The following MRTFA variants were observed in gnomAD, a reference collection of about 807,000 sequenced individuals.
MRTFA encodes myocardin-related transcription factor A.
A neutral mutation model predicts 83.5 loss-of-function variants in MRTFA; 20 were observed. That is an observed-to-expected ratio of 0.24 (90% CI 0.17 to 0.35). The LOEUF (loss-of-function observed/expected upper bound fraction) is 0.35, where lower values mean the gene tolerates loss of function less well. Among genes scored for constraint, MRTFA ranks in the 10% least tolerant of loss-of-function variants. MRTFA has a pLI of 1.00. For missense variants in MRTFA, 1,200 were observed against 1,224.7 expected (o/e 0.98, Z 0.30); for synonymous variants, 659 against 541.2 (o/e 1.22, Z -3.02).
At chr22:40,417,903 T>C (rs1229531164) in intron 12 of MRTFA, among the ~76,000 whole-genome samples, 1 of 152,190 alleles carries the variant, frequency 6.6e-6, no homozygotes, top group Non-Finnish European at 1.5e-5. Flanking sequence ...ACCTGTGGCC[T>C]GGGCTGAGAG....
At position 40,566,937 on chromosome 22, in the gene MRTFA, A is replaced by G. The variant is rs552134115; in HGVS notation, c.-21-14570T>C. Among the ~76,000 whole-genome samples the G allele has an allele frequency of 6.6e-5, 10 of 152,336 alleles. No homozygotes were observed. In the South Asian group the frequency reaches 2.1e-3, roughly 32 times the overall value. On this transcript the variant is annotated intron_variant, in intron 2 of 14. Coordinates refer to ENST00000355630, the MANE Select transcript of MRTFA (RefSeq NM_020831.6). ...CGTGCCACCTGACTCTGAGTTTGGT[A>G]TAATTTACTATTCTGCCTGGCCCCT...
intron 3 of MRTFA, among the ~76,000 whole-genome samples, chr22:40,540,776 C>CAAAAAA (rs11398739): frequency 1.1e-5 from 1 of 91,134 alleles, no homozygotes; most frequent in African/African-American, 4.4e-5. Flanking sequence ...GACTCTGTCT[C>CAAAAAA]AAAAAAAAAA....
At chr22:40,595,674 T>C (rs1048694621) in intron 1 of MRTFA, among the ~76,000 whole-genome samples, 4 of 152,068 alleles carry the variant, frequency 2.6e-5, no homozygotes, top group African/African-American at 9.7e-5. Context: ...ATACAGCCTC[T>C]TTGTGCAATC....
chr22:40,418,558 G>A lies in MRTFA; in HGVS notation c.2180C>T (p.Ala727Val). The change falls in exon 12 of 15, where the codon GCC (alanine) becomes GTC (valine). Residue 727 changes from alanine to valine, a missense_variant. Physicochemically the swap from Ala to Val is moderately conservative, Grantham distance 64 (BLOSUM62 0). Coordinates refer to ENST00000355630, the MANE Select transcript of MRTFA (RefSeq NM_020831.6). Reference sequence around the variant, plus strand: ...GACCGGCTCGGGCTCAGGCTGCAAGGCTTCCTGCTTCACCACCACGGACGG... The same window carrying A: ...GACCGGCTCGGGCTCAGGCTGCAAGACTTCCTGCTTCACCACCACGGACGG... The A allele has an allele frequency of 6.4e-7, 1 of 1,568,180 alleles. No homozygotes were observed.
At chr22:40,519,502 C>G (rs1300749414) in intron 3 of MRTFA, 1 of 1,347,756 alleles carries the variant, frequency 7.4e-7, no homozygotes, top group East Asian at 3.9e-5. Flanking sequence ...TTACTTCCTT[C>G]AGGAGTCATT....
intron 1 of MRTFA, among the ~76,000 whole-genome samples, chr22:40,629,684 G>A (rs2056620280): frequency 6.7e-6 from 1 of 148,582 alleles, no homozygotes; most frequent in Non-Finnish European, 1.5e-5. Flanking sequence ...GCTAAGGCAG[G>A]AGAATTGCTT....
At chr22:40,561,469 T>C (rs1194838351) in intron 2 of MRTFA, among the ~76,000 whole-genome samples, 2 of 147,166 alleles carry the variant, frequency 1.4e-5, no homozygotes, top group African/African-American at 5.0e-5. Flanking sequence ...ACAGCCTGGA[T>C]GATGGAGTGA....
At chr22:40,570,575 C>CT in intron 2 of MRTFA, among the ~76,000 whole-genome samples, 1 of 47,670 alleles carries the variant, frequency 2.1e-5, no homozygotes, top group Non-Finnish European at 4.0e-5. Context: ...GAGACTCTGT[C>CT]TCAAAAAAAA....
At chr22:40,622,325 A>G (rs2056533122) in intron 1 of MRTFA, among the ~76,000 whole-genome samples, 1 of 152,008 alleles carries the variant, frequency 6.6e-6, no homozygotes, top group Admixed American at 6.6e-5. Flanking sequence ...ACTAAAAAGT[A>G]TAAAAATTAG....
At chr22:40,464,883 T>C (rs1461859104) in intron 3 of MRTFA, among the ~76,000 whole-genome samples, 2 of 152,182 alleles carry the variant, frequency 1.3e-5, no homozygotes, top group Non-Finnish European at 2.9e-5. Context: ...ACTTCAACTC[T>C]ACCTCCTCAC....
At chr22:40,619,464 T>C (rs1274490821) in intron 1 of MRTFA, among the ~76,000 whole-genome samples, 2 of 152,314 alleles carry the variant, frequency 1.3e-5, no homozygotes, top group East Asian at 1.9e-4. Context: ...AACAGTTGTA[T>C]GGAAAGCAGA....
chr22:40,576,354 T>C (rs970474015), intron 2 of MRTFA, among the ~76,000 whole-genome samples: 5 of 152,208 alleles, frequency 3.3e-5, no homozygotes, highest in Non-Finnish European at 5.9e-5. Flanking sequence ...ATTTTTAAGT[T>C]ATTCATCTCA....
intron 3 of MRTFA, among the ~76,000 whole-genome samples, chr22:40,542,166 C>T (rs1213590192): frequency 6.6e-6 from 1 of 152,132 alleles, no homozygotes; most frequent in African/African-American, 2.4e-5. Context: ...CTTCCAGTTC[C>T]TTTGTGACAA....
In MRTFA at chr22:40,609,756, G is replaced by A. The variant is rs190310037; in HGVS notation, c.-83-15021C>T. On this transcript the variant is annotated intron_variant, in intron 1 of 14. Coordinates refer to ENST00000355630, the MANE Select transcript of MRTFA (RefSeq NM_020831.6). ...TGAGGCAGGAGAATTGCTTGAACCC[G>A]GGCAGCGGAGGTTGTGGTGAGTCGA... Among the ~76,000 whole-genome samples, 754 of 152,050 alleles carry A rather than the reference G, an allele frequency of 5.0e-3. 17 individuals carry two copies. In the Middle Eastern group the frequency reaches 0.054, roughly 11 times the overall value.
At chr22:40,516,424 A>G (rs1292610015) in intron 3 of MRTFA, among the ~76,000 whole-genome samples, 6 of 106,696 alleles carry the variant, frequency 5.6e-5, no homozygotes, top group Admixed American at 9.0e-5. Context: ...TGCCTCAAGA[A>G]AAAAAAAAAA....
At chr22:40,437,527 C>T (rs974106285) in intron 4 of MRTFA, among the ~76,000 whole-genome samples, 1 of 152,004 alleles carries the variant, frequency 6.6e-6, no homozygotes, top group South Asian at 2.1e-4. Context: ...TTTGGGAAGC[C>T]GAGGTGGGCA....
chr22:40,584,638 T>C (rs960874770), intron 2 of MRTFA, among the ~76,000 whole-genome samples: 2 of 146,502 alleles, frequency 1.4e-5, no homozygotes. Context: ...CGGGAGACCG[T>C]AGCAGGAGAA....
chr22:40,633,729 C>T (rs2056664903), intron 1 of MRTFA, among the ~76,000 whole-genome samples: 1 of 151,788 alleles, frequency 6.6e-6, no homozygotes, highest in Non-Finnish European at 1.5e-5. Context: ...TAAAGATAAG[C>T]TTTATTTATT....
intron 4 of MRTFA, among the ~76,000 whole-genome samples, chr22:40,444,960 G>A (rs1434067588): frequency 1.3e-5 from 2 of 152,178 alleles, no homozygotes; most frequent in Admixed American, 6.5e-5. Flanking sequence ...CCAGCTACTT[G>A]GGAGGCTGAG....
Sources: gnomAD v4.1 joint callset for allele counts (sites outside exome capture counted in the v4.1 genomes callset) on GRCh38, gnomAD v4.1.1 for gene constraint, MANE v1.5 for transcripts, NCBI Gene and HGNC (gene_info 2026-07-23, HGNC 2026-07-21) for gene names.